MYO6: variants seen among roughly 807,000 people sequenced by gnomAD.
MYO6 encodes unconventional myosin-VI.
In MYO6, 74 loss-of-function variants were observed where a neutral mutation model predicts 178.7. That is an observed-to-expected ratio of 0.41 (90% CI 0.34 to 0.50). The LOEUF (loss-of-function observed/expected upper bound fraction) is 0.50, where lower values mean the gene tolerates loss of function less well. Among genes scored for constraint, MYO6 ranks in the 20% least tolerant of loss-of-function variants. MYO6 has a pLI of 0.09. For synonymous variants in MYO6, 477 were observed against 504.6 expected (o/e 0.95, Z 0.73); for missense variants, 1,330 against 1,547.4 (o/e 0.86, Z 2.36).
intron 19 of MYO6, among the ~76,000 whole-genome samples, chr6:75,871,502 G>A (rs559392002): frequency 6.6e-6 from 1 of 152,198 alleles, no homozygotes; most frequent in South Asian, 2.1e-4. Context: ...TGCCTGACTT[G>A]GCCTCTCAAA....
At chr6:75,817,398 TGTTA>T (rs2150166648) in intron 1 of MYO6, 99 bp from the exon 2 acceptor site, 1 of 708,234 alleles carries the variant, frequency 1.4e-6, no homozygotes, top group Non-Finnish European at 2.6e-6. Context: ...CAGATGTGTT[TGTTA>T]GTTGGGACTT....
chr6:75,911,615 T>C, intron 32 of MYO6, 57 bp from the exon 33 acceptor site: 1 of 1,452,018 alleles, frequency 6.9e-7, no homozygotes. Context: ...AGAAAAATGC[T>C]CATTTAACAG....
intron 1 of MYO6, among the ~76,000 whole-genome samples, chr6:75,787,948 T>C (rs1767839530): frequency 1.3e-5 from 2 of 150,592 alleles, no homozygotes; most frequent in Admixed American, 1.3e-4. Context: ...TTTGTAGAGA[T>C]AGGAGTCTCA....
chr6:75,841,850 A>G (rs1395741695), intron 9 of MYO6, among the ~76,000 whole-genome samples: 1 of 152,190 alleles, frequency 6.6e-6, no homozygotes, highest in East Asian at 1.9e-4. Flanking sequence ...GAAGATCTCT[A>G]TTAAGGTGTA....
intron 2 of MYO6, among the ~76,000 whole-genome samples, chr6:75,820,495 G>C (rs542741545): frequency 6.6e-6 from 1 of 151,926 alleles, no homozygotes; most frequent in Non-Finnish European, 1.5e-5. Flanking sequence ...TCAGCCTCCC[G>C]AGTAGCTGGG....
At position 75,861,099 on chromosome 6, in the gene MYO6, T is replaced by A; in HGVS notation, c.1546+4T>A. 6.4e-7 allele frequency: 1 copy of A among 1,572,990 alleles called. No individual in the cohort carries two copies. The highest frequency in any genetic ancestry group is 1.1e-5 in the South Asian group (1 of 87,698). ...GTGGATAATCAGGACTGTATAGGTA[T>A]GTGTTTTTTAACTCCACCTTTGAAA... On this transcript the variant is annotated splice_donor_region_variant and intron_variant, in intron 15 of 34. Transcript: ENST00000369977.
intron 34 of MYO6, 126 bp downstream of exon 34, chr6:75,914,407 G>A (rs1285164587): frequency 1.6e-5 from 16 of 973,288 alleles, no homozygotes; most frequent in African/African-American, 3.3e-5. Flanking sequence ...GAGTCTTGCG[G>A]TTAAATCACA....
In MYO6 at chr6:75,918,307, G is replaced by C. The variant is rs930433937; in HGVS notation, c.*3295G>C. ...AACATGAGAATAAGGACATGTTAGA[G>C]GGGGGGAAACAGTTGTAACAATAAG... On this transcript the variant is annotated 3_prime_UTR_variant, in exon 35 of 35. Transcript: ENST00000369977. 1 of 145,830 alleles carries C rather than the reference G, an allele frequency of 6.9e-6. No homozygotes were observed. Among genetic ancestry groups the C allele is most frequent in the South Asian group, 2.1e-4 (1 of 4,774 alleles). The allele number at this position is 145,830 out of a possible 1,614,324, so 9.0% of individuals were successfully genotyped here.
chr6:75,840,543 C>A, intron 7 of MYO6, 42 bp from the exon 8 acceptor site: 1 of 1,308,876 alleles, frequency 7.6e-7, no homozygotes. Context: ...TGTAATGTTC[C>A]GTCATGCTAA....
At chr6:75,849,777 A>G (rs894434821) in intron 11 of MYO6, among the ~76,000 whole-genome samples, 2 of 152,180 alleles carry the variant, frequency 1.3e-5, no homozygotes, top group Non-Finnish European at 2.9e-5. Context: ...AAGGCAGTAA[A>G]TTATTTTGTG....
At chr6:75,871,258 T>C (rs1458157285) in intron 19 of MYO6, among the ~76,000 whole-genome samples, 1 of 152,176 alleles carries the variant, frequency 6.6e-6, no homozygotes, top group Non-Finnish European at 1.5e-5. Flanking sequence ...AATTTTGTTT[T>C]TGTTTTTGAG....
chr6:75,818,607 A>G (rs1023129859), intron 2 of MYO6, among the ~76,000 whole-genome samples: 3 of 152,214 alleles, frequency 2.0e-5, no homozygotes, highest in Admixed American at 6.5e-5. Flanking sequence ...TTTATATTCT[A>G]TGATACATGG....
intron 6 of MYO6, 81 bp downstream of exon 6, chr6:75,833,028 C>T: frequency 2.0e-6 from 2 of 980,962 alleles, no homozygotes; most frequent in South Asian, 1.3e-5. Context: ...ACTGTGTCAC[C>T]CAGGGTGGAA....
chr6:75,794,715 T>C (rs532374684), intron 1 of MYO6, among the ~76,000 whole-genome samples: 1 of 148,488 alleles, frequency 6.7e-6, no homozygotes, highest in Non-Finnish European at 1.5e-5. Flanking sequence ...GGAGGCACTG[T>C]TGTTGGTTAT....
At chr6:75,807,265 G>A (rs181755064) in intron 1 of MYO6, among the ~76,000 whole-genome samples, 1 of 152,120 alleles carries the variant, frequency 6.6e-6, no homozygotes, top group African/African-American at 2.4e-5. Context: ...GAAATATGTA[G>A]CACATTTTAT....
In MYO6 at chr6:75,892,617, C is replaced by G. The variant is rs140255843; in HGVS notation, c.3034C>G (p.Leu1012Val). The change falls in exon 28 of 35, where the codon CTG (leucine) becomes GTG (valine). Residue 1012 changes from leucine to valine, a missense_variant. This residue lies in a region of MYO6 where 601 missense variants were observed against 626.1 expected (regional missense o/e 0.96). Transcript: ENST00000369977. ...GGAGCAGGAGCGCAGGGACCGGGAG[C>G]TGGCCCTGAGGATTGCCCAGAGTGA... is the stretch of plus-strand genomic sequence containing the variant. The part of the protein sequence containing the change: ...VLEQERRDRE[L>V]ALRIAQSEAE... 5 of 1,613,420 alleles carry G rather than the reference C, an allele frequency of 3.1e-6. No individual in the cohort carries two copies. The African/African-American group carries it at 6.7e-5, about 22-fold the overall frequency.
intron 28 of MYO6, among the ~76,000 whole-genome samples, chr6:75,892,935 A>G (rs1003511386): frequency 1.3e-5 from 2 of 152,218 alleles, no homozygotes; most frequent in Non-Finnish European, 2.9e-5. Flanking sequence ...TGAGTACTCT[A>G]TTAAGAAAAT....
In MYO6 at chr6:75,758,910, C is replaced by G. The variant is rs181232607; in HGVS notation, c.-48+9487C>G. On this transcript the variant is annotated intron_variant, in intron 1 of 34. Coordinates refer to ENST00000369977, the MANE Select transcript of MYO6 (RefSeq NM_004999.4). ...TTTGAGATGTAGTCTCACCCTGTTG[C>G]CCACGCTGGAGTGCAGTGGCATGAT... Among the ~76,000 whole-genome samples the G allele has an allele frequency of 1.6e-3, 240 of 150,720 alleles. 1 individual carries two copies. The highest frequency in any genetic ancestry group is 5.7e-3 in the African/African-American group (233 of 41,014).
Position 75,915,506 on chromosome 6 carries a change from G to T in MYO6, c.*494G>T. On this transcript the variant is annotated 3_prime_UTR_variant, in exon 35 of 35. Transcript: ENST00000369977. ...TTTATAGACATTTTCAGACATTTTTGGAAATTTCCATTAAAGGTGGAAAAT... is the reference window on the plus strand; with the variant it reads ...TTTATAGACATTTTCAGACATTTTTTGAAATTTCCATTAAAGGTGGAAAAT... 6.1e-6 allele frequency: 1 copy of T among 163,232 alleles called. No homozygotes were observed. The highest frequency in any genetic ancestry group is 1.4e-5 in the Non-Finnish European group (1 of 73,978). The allele number at this position is 163,232 out of a possible 1,614,324, so 10.1% of individuals were successfully genotyped here.
Sources: allele counts gnomAD v4.1 joint callset (sites outside exome capture counted in the v4.1 genomes callset), GRCh38; gene constraint gnomAD v4.1.1; regional missense constraint gnomAD v4.1.1; transcripts MANE v1.5; gene names NCBI Gene and HGNC (gene_info 2026-07-23, HGNC 2026-07-21).